Variants in RTTN observed in about 807,000 individuals in gnomAD.
RTTN encodes rotatin.
In RTTN, 182 loss-of-function variants were observed where a neutral mutation model predicts 269.2. The observed-to-expected ratio is 0.68, with a 90% CI of 0.60 to 0.76. The LOEUF (loss-of-function observed/expected upper bound fraction) is 0.76. Ranked by LOEUF, RTTN falls within the 30% of genes least tolerant of loss-of-function variation. The probability of loss-of-function intolerance (pLI) is 0.00; values close to 1 mark genes in which losing one functional copy is unlikely to be tolerated. For missense variants in RTTN, 2,545 were observed against 2,608.6 expected, an observed-to-expected ratio of 0.98 and a Z score of 0.53; for synonymous variants, 1,006 against 963.5, an observed-to-expected ratio of 1.04 and a Z score of -0.82.
intron 4 of RTTN, among the ~76,000 whole-genome samples, chr18:70,201,485 G>T (rs1327684428): frequency 1.3e-5 from 2 of 150,182 alleles, no homozygotes; most frequent in Non-Finnish European, 3.0e-5. Flanking sequence ...GCGGGCGCCT[G>T]TAGTCCCAGC....
At chr18:70,054,462 A>T (rs2057760576) in intron 37 of RTTN, among the ~76,000 whole-genome samples, 178 bp from the exon 38 acceptor site, 1 of 152,238 alleles carries the variant, frequency 6.6e-6, no homozygotes, top group Non-Finnish European at 1.5e-5. Flanking sequence ...TGTCATTAAC[A>T]GCCATATTAA....
At chr18:70,007,008 G>C (rs1014279560) in intron 46 of RTTN, 1 of 153,302 alleles carries the variant, frequency 6.5e-6, no homozygotes, top group African/African-American at 2.4e-5. Flanking sequence ...GCAGCTTCCA[G>C]TGAGATCAAT....
chr18:70,188,252 GAGA>G (rs760270579), intron 9 of RTTN, 29 bp from the exon 10 acceptor site: 24 of 1,231,062 alleles, frequency 1.9e-5, no homozygotes, highest in Admixed American at 1.4e-4. Context: ...AAAAGTAAAG[GAGA>G]AGAAGTTACT....
intron 46 of RTTN, among the ~76,000 whole-genome samples, chr18:70,012,987 A>T: frequency 6.6e-6 from 1 of 152,234 alleles, no homozygotes; most frequent in East Asian, 1.9e-4. Flanking sequence ...CCCTAAAGTG[A>T]ACTGGAAATG....
intron 9 of RTTN, among the ~76,000 whole-genome samples, chr18:70,188,956 C>G (rs2061609103): frequency 6.6e-6 from 1 of 152,186 alleles, no homozygotes; most frequent in Non-Finnish European, 1.5e-5. Context: ...ACTAGAAGAG[C>G]TGGACCAAAT....
chr18:70,097,906 T>C (rs1434215704), intron 28 of RTTN, among the ~76,000 whole-genome samples: 2 of 152,210 alleles, frequency 1.3e-5, no homozygotes, highest in African/African-American at 4.8e-5. Context: ...TTTCTAAACA[T>C]AAATGAGGCA....
chr18:70,062,887 CTCTT>C (rs2058031531), intron 35 of RTTN, among the ~76,000 whole-genome samples: 1 of 152,138 alleles, frequency 6.6e-6, no homozygotes, highest in Non-Finnish European at 1.5e-5. Flanking sequence ...GCCCAGCCCC[CTCTT>C]TCTAATAGCT....
At chr18:70,015,265 G>A (rs2056506597) in intron 46 of RTTN, among the ~76,000 whole-genome samples, 1 of 152,014 alleles carries the variant, frequency 6.6e-6, no homozygotes, top group South Asian at 2.1e-4. Context: ...GTTTCACCAT[G>A]TTGGCCAGAC....
At chr18:70,027,374 C>T in intron 43 of RTTN, among the ~76,000 whole-genome samples, 1 of 152,280 alleles carries the variant, frequency 6.6e-6, no homozygotes, top group East Asian at 1.9e-4. Flanking sequence ...TATTTATACT[C>T]AAGGATAATC....
intron 25 of RTTN, among the ~76,000 whole-genome samples, chr18:70,122,843 T>C (rs950443436): frequency 4.6e-5 from 7 of 152,188 alleles, no homozygotes; most frequent in Non-Finnish European, 1.0e-4. Context: ...GGGAGATTTA[T>C]GATTTAACAA....
rs2144756196 is a variant in RTTN at position 70,045,676 on chromosome 18, A to C, written c.5541+2295T>G. Among the ~76,000 whole-genome samples the C allele has an allele frequency of 1.3e-5, 2 of 152,314 alleles. 1 individual carries two copies. The highest frequency in any genetic ancestry group is 4.1e-4 in the South Asian group (2 of 4,822). On this transcript the variant is annotated intron_variant, in intron 40 of 48. Transcript: ENST00000640769. Reference sequence around the variant, plus strand: ...TACATTAGGTACACATTTTGTCATGAGTGTGCCAGGAGTATACTTCCTCTC... The same window carrying C: ...TACATTAGGTACACATTTTGTCATGCGTGTGCCAGGAGTATACTTCCTCTC...
rs1235731883 is a variant in RTTN at position 70,145,962 on chromosome 18, GA to G, written c.2310-180del. Among the ~76,000 whole-genome samples the G allele has an allele frequency of 5.9e-5, 9 of 152,040 alleles. 1 individual carries two copies. Among genetic ancestry groups the G allele is most frequent in the Non-Finnish European group, 1.3e-4 (9 of 68,012 alleles). On this transcript the variant is annotated intron_variant, in intron 17 of 48. Coordinates refer to ENST00000640769, the MANE Select transcript of RTTN (RefSeq NM_173630.4). ...AAATTCTTCGATATATAATTATAAT[GA>G]TTTATTCAATGTAATAGTTATAAAA... is the stretch of plus-strand genomic sequence containing the variant.
In RTTN at chr18:70,121,598, T is replaced by C; in HGVS notation, c.3486A>G (p.Ser1162=). Residue 1162 remains serine (S), a synonymous_variant, in exon 26 of 49, where the codon TCA becomes TCG. Transcript: ENST00000640769. The stretch of plus-strand genomic sequence containing the variant: ...CGAGAATCCAGTTTAGAAGTTCTAG[T>C]GAAGAATTTTTTCTTTGTTCCTTTA... ...KLIKEQRKNS[S]LELLNWILEL... is the part of the protein sequence containing the mutation. 1 of 1,580,364 alleles carries C rather than the reference T, an allele frequency of 6.3e-7. No homozygotes were observed. The highest frequency in any genetic ancestry group is 8.5e-7 in the Non-Finnish European group (1 of 1,170,520).
In RTTN at chr18:70,051,495, G is replaced by A. The variant is rs1477756327; in HGVS notation, c.5239C>T (p.Leu1747=). Residue 1747 remains leucine (L), a synonymous_variant, in exon 39 of 49, where the codon CTG becomes TTG. Transcript: ENST00000640769. ...CCAGCTTTCCTCAGGAGCATGGCCA[G>A]AAGATTAAATAAATGTGTCCATGTG... The part of the protein sequence containing the change: ...YHTWTHLFNL[L]AMLLRKAGAI... The A allele has an allele frequency of 2.5e-6, 4 of 1,612,692 alleles. No individual in the cohort carries two copies. Among genetic ancestry groups the A allele is most frequent in the Admixed American group, 3.3e-5 (2 of 59,958 alleles).
rs151203272 is a variant in RTTN at position 70,190,723 on chromosome 18, C to A, written c.1008-4G>T. 23,091 of 1,588,202 alleles carry A rather than the reference C, an allele frequency of 0.015. 213 individuals are homozygous for A. Among genetic ancestry groups the A allele is most frequent in the Non-Finnish European group, 0.017 (19,693 of 1,158,884 alleles). ...ATGAGCATGACTACTACTTCCACTG[C>A]AAGATAAACAAATGATAAACCTTGC... On this transcript the variant is annotated splice_polypyrimidine_tract_variant and splice_region_variant and intron_variant, in intron 8 of 48. Coordinates refer to ENST00000640769, the MANE Select transcript of RTTN (RefSeq NM_173630.4).
intron 35 of RTTN, among the ~76,000 whole-genome samples, chr18:70,063,223 G>A (rs898451084): frequency 3.3e-5 from 5 of 152,156 alleles, no homozygotes; most frequent in African/African-American, 1.2e-4. Context: ...AACAATGTAT[G>A]AAAGTGCTTA....
chr18:70,100,506 C>T (rs2059130498), intron 28 of RTTN, among the ~76,000 whole-genome samples: 1 of 152,188 alleles, frequency 6.6e-6, no homozygotes, highest in Non-Finnish European at 1.5e-5. Context: ...TCTAAATATA[C>T]AATCATGTCA....
intron 27 of RTTN, among the ~76,000 whole-genome samples, chr18:70,110,236 T>A (rs1393226958): frequency 1.4e-3 from 175 of 128,802 alleles, no homozygotes; most frequent in Non-Finnish European, 1.7e-3. Flanking sequence ...CATCCCTTTT[T>A]AAAAAAAAAA....
At chr18:70,141,635 T>C (rs1185326364) in intron 19 of RTTN, among the ~76,000 whole-genome samples, 1 of 151,644 alleles carries the variant, frequency 6.6e-6, no homozygotes, top group East Asian at 1.9e-4. Context: ...GAGTTGGGGG[T>C]TGGGGGAGGG....
Sources: gnomAD v4.1 joint callset for allele counts (sites outside exome capture counted in the v4.1 genomes callset) on GRCh38, gnomAD v4.1.1 for gene constraint, MANE v1.5 for transcripts, NCBI Gene and HGNC (gene_info 2026-07-23, HGNC 2026-07-21) for gene names.